The following ARHGAP10 variants were observed in gnomAD, a reference collection of about 807,000 sequenced individuals.
The protein encoded by ARHGAP10 is rho GTPase-activating protein 10.
Under a neutral mutation model 108.6 loss-of-function variants are expected in ARHGAP10, and 87 were observed. The ratio of observed to expected loss-of-function variants is 0.80; its 90% confidence interval spans 0.67 to 0.96. ARHGAP10 has a LOEUF of 0.96. ARHGAP10 is among the 40% of genes least tolerant of loss of function. The pLI is 0.00. For missense variants in ARHGAP10, 939 were observed against 954.5 expected (o/e 0.98, Z 0.21); for synonymous variants, 347 against 341.1 (o/e 1.02, Z -0.19).
intron 16 of ARHGAP10, among the ~76,000 whole-genome samples, chr4:147,959,571 A>T (rs766335806): frequency 2.6e-5 from 4 of 151,872 alleles, no homozygotes; most frequent in Non-Finnish European, 5.9e-5. Context: ...CCTGTGTCCA[A>T]GTGTTCTCAT....
chr4:147,965,385 C>G (rs1317840721), intron 17 of ARHGAP10, among the ~76,000 whole-genome samples: 1 of 152,218 alleles, frequency 6.6e-6, no homozygotes, highest in African/African-American at 2.4e-5. Flanking sequence ...TTACCCTATA[C>G]ACAGATTCTG....
intron 1 of ARHGAP10, among the ~76,000 whole-genome samples, chr4:147,763,825 G>A (rs1454405972): frequency 6.7e-6 from 1 of 149,528 alleles, no homozygotes; most frequent in Non-Finnish European, 1.5e-5. Context: ...CACCATCACG[G>A]CTCACTGCAG....
At chr4:147,881,786 T>C (rs1735336629) in intron 9 of ARHGAP10, 52 bp from the exon 10 acceptor site, 1 of 1,542,746 alleles carries the variant, frequency 6.5e-7, no homozygotes, top group Non-Finnish European at 8.9e-7. Flanking sequence ...TGGCTGAGTG[T>C]GTATATACTT....
intron 20 of ARHGAP10, 135 bp downstream of exon 20, chr4:148,047,186 C>A: frequency 9.4e-7 from 1 of 1,061,626 alleles, no homozygotes; most frequent in Non-Finnish European, 1.3e-6. Flanking sequence ...ATCAGAAGGG[C>A]CACCAAAGGG....
chr4:148,061,233 C>CT (rs1315028226), intron 20 of ARHGAP10, among the ~76,000 whole-genome samples: 3 of 152,052 alleles, frequency 2.0e-5, no homozygotes, highest in African/African-American at 7.2e-5. Flanking sequence ...TCCCTCTAGG[C>CT]AGAGGGATGG....
chr4:147,901,609 ATATAATAC>A (rs1426095141), intron 10 of ARHGAP10, among the ~76,000 whole-genome samples: 1 of 152,252 alleles, frequency 6.6e-6, no homozygotes, highest in Non-Finnish European at 1.5e-5. Flanking sequence ...GAGGCAAGAC[ATATAATAC>A]TACTTTACTT....
At chr4:147,876,281 T>G (rs1735053495) in intron 8 of ARHGAP10, among the ~76,000 whole-genome samples, 1 of 152,126 alleles carries the variant, frequency 6.6e-6, no homozygotes, top group South Asian at 2.1e-4. Context: ...AAAATTGAAT[T>G]TGAAAGAAAT....
intron 5 of ARHGAP10, among the ~76,000 whole-genome samples, chr4:147,858,914 T>TA (rs1734204760): frequency 6.6e-6 from 1 of 152,216 alleles, no homozygotes; most frequent in Non-Finnish European, 1.5e-5. Flanking sequence ...CCCTTTCTCT[T>TA]ACACTCCCCA....
chr4:148,068,902 C>G (rs1181991932), intron 22 of ARHGAP10, among the ~76,000 whole-genome samples: 1 of 152,158 alleles, frequency 6.6e-6, no homozygotes, highest in Non-Finnish European at 1.5e-5. Flanking sequence ...CTGCCTCACA[C>G]CCGTCTTGTT....
At chr4:147,983,142 A>T (rs1183310185) in intron 18 of ARHGAP10, among the ~76,000 whole-genome samples, 1 of 150,816 alleles carries the variant, frequency 6.6e-6, no homozygotes, top group Non-Finnish European at 1.5e-5. Context: ...TTGGCCTCCC[A>T]AAGTGCTGGG....
intron 19 of ARHGAP10, among the ~76,000 whole-genome samples, chr4:148,039,654 T>C (rs914976134): frequency 1.3e-5 from 2 of 152,042 alleles, no homozygotes; most frequent in Admixed American, 6.6e-5. Context: ...AGAAGTCTGA[T>C]GCCAATCTGA....
intron 10 of ARHGAP10, among the ~76,000 whole-genome samples, chr4:147,895,256 A>C (rs368905999): frequency 6.6e-6 from 1 of 152,048 alleles, no homozygotes; most frequent in Non-Finnish European, 1.5e-5. Flanking sequence ...ACTGGTCACT[A>C]TTAGCATGTA....
intron 18 of ARHGAP10, among the ~76,000 whole-genome samples, chr4:148,017,972 G>A (rs191213836): frequency 1.3e-5 from 2 of 152,168 alleles, no homozygotes; most frequent in East Asian, 3.9e-4. Context: ...CCATTGTGTT[G>A]TGTCTGAGGA....
intron 13 of ARHGAP10, among the ~76,000 whole-genome samples, chr4:147,915,969 T>TTA (rs1187275352): frequency 6.6e-6 from 1 of 151,840 alleles, no homozygotes; most frequent in Non-Finnish European, 1.5e-5. Flanking sequence ...ATTAGCTGAG[T>TTA]GTTATAGTGT....
At chr4:148,053,890 T>C (rs1033691982) in intron 20 of ARHGAP10, among the ~76,000 whole-genome samples, 8 of 152,182 alleles carry the variant, frequency 5.3e-5, no homozygotes, top group Non-Finnish European at 1.2e-4. Flanking sequence ...CTGCAGGTGC[T>C]GAAATTTGGA....
chr4:147,838,049 G>C (rs1733247687), intron 3 of ARHGAP10, among the ~76,000 whole-genome samples: 3 of 151,914 alleles, frequency 2.0e-5, no homozygotes, highest in African/African-American at 7.3e-5. Context: ...TCAAATAATA[G>C]GCAAAGTCAG....
At chr4:147,897,832 C>A (rs1485407873) in intron 10 of ARHGAP10, among the ~76,000 whole-genome samples, 1 of 151,980 alleles carries the variant, frequency 6.6e-6, no homozygotes, top group East Asian at 1.9e-4. Flanking sequence ...TATATGCATA[C>A]ATGTGGGTGT....
intron 4 of ARHGAP10, 103 bp downstream of exon 4, chr4:147,847,325 A>T: frequency 1.9e-6 from 2 of 1,061,346 alleles, no homozygotes; most frequent in Non-Finnish European, 2.8e-6. Context: ...GCCGGAGCAA[A>T]CCATCTGTTG....
At chr4:147,898,180 C>CG (rs1553961100) in intron 10 of ARHGAP10, among the ~76,000 whole-genome samples, 1 of 152,008 alleles carries the variant, frequency 6.6e-6, no homozygotes, top group Non-Finnish European at 1.5e-5. Flanking sequence ...CTTAGGCTGC[C>CG]TTAGGCTGCA....
Sources: allele counts gnomAD v4.1 joint callset (sites outside exome capture counted in the v4.1 genomes callset), GRCh38; gene constraint gnomAD v4.1.1; transcripts MANE v1.5; gene names NCBI Gene and HGNC (gene_info 2026-07-23, HGNC 2026-07-21).